The following ZIM2 variants were observed in gnomAD, a reference collection of about 807,000 sequenced individuals.
ZIM2 encodes the protein zinc finger protein 656.
In ZIM2, 14 loss-of-function variants were observed where a neutral mutation model predicts 38.6. The observed-to-expected ratio is 0.36, with a 90% CI of 0.24 to 0.57. The LOEUF is 0.57. ZIM2 is among the 20% of genes least tolerant of loss of function. ZIM2 has a pLI of 0.81. For synonymous variants in ZIM2, 247 were observed against 245.8 expected (o/e 1.00, Z -0.04); for missense variants, 680 against 695.1 (o/e 0.98, Z 0.24).
rs573640401 is a variant in ZIM2 at position 56,828,720 on chromosome 19, T to C, written c.-226-2257A>G. On this transcript the variant is annotated intron_variant, in intron 2 of 12. Coordinates refer to ENST00000629319, the MANE Select transcript of ZIM2 (RefSeq NM_001387356.1). ...AAAAGGCTTTTGGCATTAGGAAAAA[T>C]AGCCCAATATGAAAATAAACAACAC... Among the ~76,000 whole-genome samples the C allele has an allele frequency of 1.9e-4, 29 of 152,284 alleles. No individual in the cohort carries two copies. In the South Asian group the frequency reaches 4.8e-3, roughly 25 times the overall value.
Position 56,840,607 on chromosome 19 carries a change from G to A in ZIM2, c.-339C>T, listed in dbSNP as rs985275607. The A allele has an allele frequency of 6.6e-6, 1 of 152,496 alleles. No homozygotes were observed. The highest frequency in any genetic ancestry group is 1.5e-5 in the Non-Finnish European group (1 of 68,252). The allele number at this position is 152,496 out of a possible 1,614,324, so 9.4% of individuals were successfully genotyped here. On this transcript the variant is annotated 5_prime_UTR_variant, in exon 1 of 13. Coordinates refer to ENST00000629319, the MANE Select transcript of ZIM2 (RefSeq NM_001387356.1). Reference sequence around the variant, plus strand: ...CTCACCTCAGTGCTGCGCAGCCTCGGGCACGAACAGCCGCCTAGCGCACCC... The same window carrying A: ...CTCACCTCAGTGCTGCGCAGCCTCGAGCACGAACAGCCGCCTAGCGCACCC...
At chr19:56,787,564 G>C (rs2046676710) in intron 10 of ZIM2, among the ~76,000 whole-genome samples, 1 of 152,116 alleles carries the variant, frequency 6.6e-6, no homozygotes, top group African/African-American at 2.4e-5. Flanking sequence ...TTTTTTTGTT[G>C]TCTCTGCCAG....
At chr19:56,812,378 GGAACCT>G in intron 9 of ZIM2, 2 of 984,856 alleles carry the variant, frequency 2.0e-6, no homozygotes, top group Non-Finnish European at 2.4e-6. Context: ...AGGCTGCTGG[GGAACCT>G]GAGTCCATGT....
At chr19:56,838,265 G>A (rs1407289277) in intron 1 of ZIM2, among the ~76,000 whole-genome samples, 3 of 152,142 alleles carry the variant, frequency 2.0e-5, no homozygotes, top group Non-Finnish European at 2.9e-5. Flanking sequence ...AGGCTCGGCA[G>A]CCCCTAGTCA....
Position 56,774,898 on chromosome 19 carries a change from A to G in ZIM2, c.1467T>C (p.His489=). 2 of 1,614,166 alleles carry G rather than the reference A, an allele frequency of 1.2e-6. No individual in the cohort carries two copies. Among genetic ancestry groups the G allele is most frequent in the Middle Eastern group, 1.6e-4 (1 of 6,062 alleles). ...GGCAGGCTCTCTCTCCAACGTAGTC[A>G]TGTTTCCGCTGATAACGAATTAAGT... ...KTYLIRYQRK[H]DYVGERACQC... is the part of the protein sequence containing the mutation. The change falls in exon 13 of 13, where the codon CAT becomes CAC. Residue 489 remains histidine (H), a synonymous_variant. Transcript: ENST00000629319.
chr19:56,795,389 G>T (rs1298051005), intron 9 of ZIM2, among the ~76,000 whole-genome samples: 1 of 152,184 alleles, frequency 6.6e-6, no homozygotes, highest in Non-Finnish European at 1.5e-5. Context: ...GTCCACTGGG[G>T]CCCCAGCCCC....
chr19:56,819,246 C>T (rs557338713), intron 7 of ZIM2, among the ~76,000 whole-genome samples: 12 of 152,288 alleles, frequency 7.9e-5, no homozygotes, highest in Admixed American at 5.2e-4. Context: ...CTTAAACCTC[C>T]CTCCCGGTTT....
intron 9 of ZIM2, chr19:56,815,866 C>T (rs775313230): frequency 3.1e-6 from 5 of 1,613,512 alleles, no homozygotes; most frequent in Non-Finnish European, 3.4e-6. Flanking sequence ...GGAGGATTCT[C>T]CCTTCTCATT....
chr19:56,835,325 CCA>C (rs2061980216), intron 2 of ZIM2, among the ~76,000 whole-genome samples: 1 of 152,212 alleles, frequency 6.6e-6, no homozygotes, highest in African/African-American at 2.4e-5. Flanking sequence ...CACAATGAAA[CCA>C]CAACTTACCT....
intron 9 of ZIM2, among the ~76,000 whole-genome samples, chr19:56,809,178 T>G (rs1329646754): frequency 6.6e-6 from 1 of 152,064 alleles, no homozygotes; most frequent in Non-Finnish European, 1.5e-5. Flanking sequence ...GTCCCAATCC[T>G]CCCACCCTGA....
chr19:56,835,004 T>G (rs1038155321), intron 2 of ZIM2, among the ~76,000 whole-genome samples: 3 of 152,180 alleles, frequency 2.0e-5, no homozygotes, highest in Admixed American at 6.5e-5. Context: ...TGTGACTCAC[T>G]GTGCCTCCTC....
intron 7 of ZIM2, 23 bp downstream of exon 7, chr19:56,821,628 A>T (rs1210006995): frequency 6.2e-7 from 1 of 1,611,390 alleles, no homozygotes; most frequent in African/African-American, 1.3e-5. Context: ...GCCTTTCTAG[A>T]AAGAGAGGAA....
chr19:56,817,639 T>C, intron 9 of ZIM2, 107 bp downstream of exon 9: 8 of 1,515,712 alleles, frequency 5.3e-6, no homozygotes, highest in Non-Finnish European at 7.3e-6. Flanking sequence ...CAGTGGGACT[T>C]GGAGGGGTGC....
intron 10 of ZIM2, among the ~76,000 whole-genome samples, chr19:56,784,571 T>C (rs2046497502): frequency 6.6e-6 from 1 of 152,154 alleles, no homozygotes; most frequent in Admixed American, 6.6e-5. Flanking sequence ...TCCCAAATGT[T>C]TTCCTACTGT....
rs201664840 is a variant in ZIM2 at position 56,788,175 on chromosome 19, CTAGTT to C, written c.570+1692_570+1696del. ...TTTGAATTTGTTTGCTCTTGCTTCT[CTAGTT>C]ATTTTAATTGTGATGTTAGGGTGTC... On this transcript the variant is annotated intron_variant, in intron 10 of 12. Coordinates refer to ENST00000629319, the MANE Select transcript of ZIM2 (RefSeq NM_001387356.1). 1.7e-4 allele frequency among the ~76,000 whole-genome samples: 26 copies of C among 151,528 alleles called. No homozygotes were observed. In the East Asian group the frequency reaches 4.9e-3, roughly 28 times the overall value.
chr19:56,839,376 G>A (rs927871331), intron 1 of ZIM2, among the ~76,000 whole-genome samples: 2 of 151,120 alleles, frequency 1.3e-5, no homozygotes, highest in African/African-American at 2.4e-5. Flanking sequence ...GGCAGCACCT[G>A]CACAGCAAAC....
At chr19:56,787,719 T>G (rs2046689282) in intron 10 of ZIM2, among the ~76,000 whole-genome samples, 1 of 151,008 alleles carries the variant, frequency 6.6e-6, no homozygotes, top group Non-Finnish European at 1.5e-5. Context: ...GGTTTTTTTT[T>G]TTTTTTTTTT....
At chr19:56,817,088 A>C (rs1176557357) in intron 9 of ZIM2, 1 of 1,614,140 alleles carries the variant, frequency 6.2e-7, no homozygotes, top group East Asian at 2.2e-5. Flanking sequence ...TCACATACAT[A>C]TGGCATTGCC....
intron 9 of ZIM2, among the ~76,000 whole-genome samples, chr19:56,808,715 A>G (rs2047894814): frequency 6.6e-6 from 1 of 151,530 alleles, no homozygotes; most frequent in African/African-American, 2.4e-5. Context: ...TTCAACATCC[A>G]CTAATCCTTG....
Sources: gnomAD v4.1 joint callset for allele counts (sites outside exome capture counted in the v4.1 genomes callset) on GRCh38, gnomAD v4.1.1 for gene constraint, MANE v1.5 for transcripts, NCBI Gene and HGNC (gene_info 2026-07-23, HGNC 2026-07-21) for gene names.